FHL2: variants seen among roughly 807,000 people sequenced by gnomAD.
FHL2 encodes the protein four and a half LIM domains 2.
FHL2 carries 20 observed loss-of-function variants against 32.7 expected under a neutral mutation model. The observed-to-expected ratio is 0.61, with a 90% CI of 0.43 to 0.89. FHL2 has a LOEUF of 0.89. Among genes scored for constraint, FHL2 ranks in the 40% least tolerant of loss-of-function variants. The pLI is 0.00. For missense variants in FHL2, 311 were observed against 358.6 expected, an observed-to-expected ratio of 0.87 and a Z score of 1.07; for synonymous variants, 123 against 128.1, an observed-to-expected ratio of 0.96 and a Z score of 0.27.
intron 1 of FHL2, among the ~76,000 whole-genome samples, chr2:105,431,502 G>A (rs1039562345): frequency 6.6e-6 from 1 of 152,220 alleles, no homozygotes; most frequent in African/African-American, 2.4e-5. Context: ...TGACAGAGAT[G>A]CCAGCAGGTG....
upstream of FHL2, chr2:105,399,183 C>T: frequency 7.1e-7 from 1 of 1,409,338 alleles, no homozygotes; most frequent in Non-Finnish European, 9.1e-7. Flanking sequence ...TCGCGGTTGC[C>T]GTGCCCCCGC....
intron 1 of FHL2, among the ~76,000 whole-genome samples, chr2:105,406,527 A>C (rs926023910): frequency 6.6e-6 from 1 of 151,182 alleles, no homozygotes; most frequent in African/African-American, 2.4e-5. Flanking sequence ...CTGTAATGTA[A>C]TCTAGCTTCC....
At chr2:105,427,690 G>A (rs1573408300) in intron 1 of FHL2, among the ~76,000 whole-genome samples, 1 of 152,294 alleles carries the variant, frequency 6.6e-6, no homozygotes, top group East Asian at 1.9e-4. Context: ...GAGAGTGTTT[G>A]AGGTTGCAGG....
chr2:105,393,139 A>C (rs1291828984), intron 2 of FHL2, among the ~76,000 whole-genome samples: 12 of 152,208 alleles, frequency 7.9e-5, no homozygotes, highest in East Asian at 3.9e-4. Flanking sequence ...TAGCAAAAGA[A>C]GTCTATTTAA....
At chr2:105,421,889 G>C (rs1289445733) in intron 1 of FHL2, among the ~76,000 whole-genome samples, 1 of 152,220 alleles carries the variant, frequency 6.6e-6, no homozygotes, top group African/African-American at 2.4e-5. Context: ...CTGTTTCTTT[G>C]ATTTAATGGA....
intron 1 of FHL2, among the ~76,000 whole-genome samples, chr2:105,431,857 G>C (rs1347811024): frequency 6.6e-6 from 1 of 152,244 alleles, no homozygotes; most frequent in Non-Finnish European, 1.5e-5. Context: ...CCAGGAAAGA[G>C]TGAAGCACAG....
chr2:105,426,528 C>G (rs1684274010), intron 1 of FHL2, among the ~76,000 whole-genome samples: 2 of 152,164 alleles, frequency 1.3e-5, no homozygotes, highest in Non-Finnish European at 2.9e-5. Flanking sequence ...ACCAGGGTCA[C>G]CCTCCTCCCT....
At chr2:105,429,794 G>A (rs771026456) in intron 1 of FHL2, among the ~76,000 whole-genome samples, 3 of 152,184 alleles carry the variant, frequency 2.0e-5, no homozygotes, top group Non-Finnish European at 4.4e-5. Context: ...TGCAGCCTAG[G>A]AATTGTAATT....
At position 105,416,249 on chromosome 2, in the gene FHL2, A is replaced by G. The variant is rs111667740; in HGVS notation, c.-25+22150T>C. ...TAATTACACTTTCCAAAACAAAACA[A>G]CTAGTAAGAAGAGTGGTGTGGTTTT... On this transcript the variant is annotated intron_variant, in intron 1 of 5. Coordinates refer to the FHL2 transcript ENST00000393352. Among the ~76,000 whole-genome samples, 363 of 152,360 alleles carry G rather than the reference A, an allele frequency of 2.4e-3. 5 individuals are homozygous for G. Among genetic ancestry groups the G allele is most frequent in the African/African-American group, 8.3e-3 (347 of 41,592 alleles).
chr2:105,434,306 TCACGC>T (rs1454659474), intron 1 of FHL2, among the ~76,000 whole-genome samples: 12 of 152,264 alleles, frequency 7.9e-5, no homozygotes, highest in African/African-American at 2.9e-4. Context: ...GCACGGTGGC[TCACGC>T]CTGTAATCCT....
intron 3 of FHL2, among the ~76,000 whole-genome samples, chr2:105,385,540 GA>G (rs1405209197): frequency 1.3e-5 from 2 of 152,234 alleles, no homozygotes; most frequent in Non-Finnish European, 2.9e-5. Context: ...AATTCCTTTA[GA>G]GATGCCAAAG....
At chr2:105,399,450 C>T (rs1323550829), upstream of FHL2, 72 of 1,536,078 alleles carry the variant, frequency 4.7e-5, no homozygotes, top group East Asian at 1.7e-3. Context: ...GGTCACTTCT[C>T]AGGAGGCATG....
chr2:105,390,302 G>A (rs1047243372), intron 2 of FHL2: 2 of 152,714 alleles, frequency 1.3e-5, no homozygotes, highest in Non-Finnish European at 2.9e-5. Flanking sequence ...CTCAAAGTAC[G>A]ACTGAGGTTA....
intron 5 of FHL2, among the ~76,000 whole-genome samples, chr2:105,366,948 G>A (rs1227052590): frequency 6.6e-6 from 1 of 152,130 alleles, no homozygotes; most frequent in East Asian, 1.9e-4. Flanking sequence ...GTTTCATCAT[G>A]TTGCCCAGGC....
At chr2:105,401,086 T>C (rs796072122), upstream of FHL2, among the ~76,000 whole-genome samples, 1 of 141,574 alleles carries the variant, frequency 7.1e-6, no homozygotes, top group African/African-American at 2.7e-5. Context: ...TTTTTTTGGA[T>C]CTTATTGGAT....
intron 1 of FHL2, among the ~76,000 whole-genome samples, chr2:105,417,790 G>C (rs917082218): frequency 6.6e-6 from 1 of 152,012 alleles, no homozygotes; most frequent in Admixed American, 6.6e-5. Context: ...GTTTTGTCAA[G>C]GTCATTCTGG....
chr2:105,390,706 T>A (rs544422556), intron 2 of FHL2, among the ~76,000 whole-genome samples: 1 of 152,274 alleles, frequency 6.6e-6, no homozygotes, highest in South Asian at 2.1e-4. Context: ...AAAAAGTCCA[T>A]GAGCTAATAA....
intron 3 of FHL2, 76 bp from the exon 4 acceptor site, chr2:105,373,809 G>A (rs959801667): frequency 8.3e-6 from 12 of 1,444,928 alleles, no homozygotes; most frequent in East Asian, 4.6e-5. Flanking sequence ...GGCCCCTTGC[G>A]AATCTGCAGG....
At chr2:105,384,135 C>T (rs1682117614) in intron 3 of FHL2, among the ~76,000 whole-genome samples, 1 of 152,176 alleles carries the variant, frequency 6.6e-6, no homozygotes, top group Admixed American at 6.5e-5. Flanking sequence ...TGATTAGCCC[C>T]AAATATCCAA....
Sources: gnomAD v4.1 joint callset for allele counts (sites outside exome capture counted in the v4.1 genomes callset) on GRCh38, gnomAD v4.1.1 for gene constraint, MANE v1.5 for transcripts, NCBI Gene and HGNC (gene_info 2026-07-23, HGNC 2026-07-21) for gene names.